The following ZNF521 variants were observed in gnomAD, a reference collection of about 807,000 sequenced individuals.
ZNF521 encodes the protein LYST-interacting protein 3.
ZNF521 carries 14 observed loss-of-function variants against 105.5 expected under a neutral mutation model. The ratio of observed to expected loss-of-function variants is 0.13; its 90% CI spans 0.09 to 0.21. The LOEUF (loss-of-function observed/expected upper bound fraction) is 0.21, where lower values mean the gene tolerates loss of function less well. Among genes scored for constraint, ZNF521 ranks in the 10% least tolerant of loss-of-function variants. The probability of loss-of-function intolerance (pLI) is 1.00; values close to 1 mark genes in which losing one functional copy is unlikely to be tolerated. For synonymous variants in ZNF521, 635 were observed against 606.0 expected (o/e 1.05, Z -0.70); for missense variants, 1,233 against 1,629.7 (o/e 0.76, Z 4.19).
chr18:25,086,616 A>ATTATCAC (rs2033628867), intron 7 of ZNF521, among the ~76,000 whole-genome samples: 1 of 152,178 alleles, frequency 6.6e-6, no homozygotes, highest in African/African-American at 2.4e-5. Flanking sequence ...ATTCATAATA[A>ATTATCAC]TTATCACATA....
At chr18:25,153,633 C>T (rs1389400351) in intron 5 of ZNF521, among the ~76,000 whole-genome samples, 3 of 152,162 alleles carry the variant, frequency 2.0e-5, no homozygotes, top group Non-Finnish European at 4.4e-5. Flanking sequence ...GATGTCTCCA[C>T]AGAGAATCAC....
intron 3 of ZNF521, among the ~76,000 whole-genome samples, chr18:25,281,403 C>T (rs900854165): frequency 6.6e-6 from 1 of 152,130 alleles, no homozygotes; most frequent in African/African-American, 2.4e-5. Flanking sequence ...ACAACTTTGG[C>T]CCAAATTAAG....
chr18:25,128,170 T>C (rs1313527999), intron 5 of ZNF521, among the ~76,000 whole-genome samples: 1 of 151,838 alleles, frequency 6.6e-6, no homozygotes. Context: ...AGTTCAACAT[T>C]TGAAAATCAG....
rs775552635 is a variant in ZNF521 at position 25,062,749 on chromosome 18, T to TAAAAAAAAA, written c.3907-9_3907-8insTTTTTTTTT. 4.9e-6 allele frequency: 1 copy of TAAAAAAAAA among 204,576 alleles called. No individual in the cohort carries two copies. The allele number at this position is 204,576 out of a possible 1,614,324, so 12.7% of individuals were successfully genotyped here. ...TTGGGTCATTGTATGATTCTGTAAA[T>TAAAAAAAAA]AACAAAAAAAAAAAAAAAAAAAAAA... On this transcript the variant is annotated splice_polypyrimidine_tract_variant and intron_variant, in intron 7 of 7. Coordinates refer to ENST00000361524, the MANE Select transcript of ZNF521 (RefSeq NM_015461.3).
intron 3 of ZNF521, among the ~76,000 whole-genome samples, chr18:25,276,775 T>C (rs1004826433): frequency 6.6e-6 from 1 of 152,254 alleles, no homozygotes; most frequent in Non-Finnish European, 1.5e-5. Context: ...TGAAGTCTTA[T>C]TAACACAGAT....
chr18:25,294,123 T>C (rs978654853), intron 3 of ZNF521, among the ~76,000 whole-genome samples: 5 of 152,234 alleles, frequency 3.3e-5, no homozygotes, highest in African/African-American at 1.2e-4. Context: ...TGGATAATAC[T>C]CTGCAGTGCT....
chr18:25,190,638 A>C (rs1264325528), intron 5 of ZNF521, among the ~76,000 whole-genome samples: 1 of 152,212 alleles, frequency 6.6e-6, no homozygotes, highest in African/African-American at 2.4e-5. Flanking sequence ...AAGATTAGTC[A>C]CATAGTACAC....
intron 5 of ZNF521, among the ~76,000 whole-genome samples, chr18:25,126,441 TG>T (rs2034540673): frequency 6.6e-6 from 1 of 152,156 alleles, no homozygotes; most frequent in South Asian, 2.1e-4. Context: ...AACAACATTC[TG>T]TTTTTCTATT....
At chr18:25,312,411 G>A (rs1202626116) in intron 3 of ZNF521, among the ~76,000 whole-genome samples, 1 of 152,102 alleles carries the variant, frequency 6.6e-6, no homozygotes, top group Non-Finnish European at 1.5e-5. Context: ...AAAAACTTCT[G>A]CTGCAGCAAA....
chr18:25,257,455 C>T (rs1312389782), intron 3 of ZNF521, among the ~76,000 whole-genome samples: 2 of 152,100 alleles, frequency 1.3e-5, no homozygotes, highest in Non-Finnish European at 2.9e-5. Flanking sequence ...TCTGAACCTT[C>T]GTTTCCTTTC....
At chr18:25,198,004 CT>C (rs1374488873) in intron 4 of ZNF521, among the ~76,000 whole-genome samples, 2 of 151,866 alleles carry the variant, frequency 1.3e-5, no homozygotes, top group Non-Finnish European at 2.9e-5. Context: ...GAGATAATTT[CT>C]TTTAAAAGCA....
At chr18:25,136,195 C>G (rs916008658) in intron 5 of ZNF521, among the ~76,000 whole-genome samples, 1 of 152,136 alleles carries the variant, frequency 6.6e-6, no homozygotes, top group African/African-American at 2.4e-5. Context: ...CATTTCTATG[C>G]AATTAATGCA....
chr18:25,309,233 G>A (rs1912160313), intron 3 of ZNF521, among the ~76,000 whole-genome samples: 1 of 152,224 alleles, frequency 6.6e-6, no homozygotes, highest in Non-Finnish European at 1.5e-5. Context: ...TGACAAAATA[G>A]TATCAATAAC....
chr18:25,279,631 T>A (rs966037235), intron 3 of ZNF521, among the ~76,000 whole-genome samples: 1 of 152,194 alleles, frequency 6.6e-6, no homozygotes, highest in Non-Finnish European at 1.5e-5. Context: ...ACCAGAGCAC[T>A]TCTGATTGAC....
rs1453123355 is a variant in ZNF521, at chr18:25,246,067, GGCCT to G, written c.221-18374_221-18371del. Among the ~76,000 whole-genome samples the G allele has an allele frequency of 2.0e-5, 3 of 152,138 alleles. No individual in the cohort carries two copies. In the East Asian group the frequency reaches 5.8e-4, roughly 29 times the overall value. On this transcript the variant is annotated intron_variant, in intron 3 of 7. Coordinates refer to ENST00000361524, the MANE Select transcript of ZNF521 (RefSeq NM_015461.3). ...GCGCCACAGGAACATCACACACAAG[GGCCT>G]GTAGTGGGGTGGGAGGAGGGGGGAG... is the stretch of plus-strand genomic sequence containing the variant.
At chr18:25,100,793 A>G (rs911248561) in intron 5 of ZNF521, among the ~76,000 whole-genome samples, 3 of 152,212 alleles carry the variant, frequency 2.0e-5, no homozygotes, top group Non-Finnish European at 4.4e-5. Context: ...CACCCCTTAG[A>G]GAAATTTGCC....
At chr18:25,218,005 C>T (rs929697498) in intron 4 of ZNF521, among the ~76,000 whole-genome samples, 10 of 152,094 alleles carry the variant, frequency 6.6e-5, no homozygotes, top group African/African-American at 2.4e-4. Flanking sequence ...CTCAGTAAGA[C>T]ACAGAGACAA....
intron 2 of ZNF521, among the ~76,000 whole-genome samples, chr18:25,329,304 T>C (rs561491777): frequency 2.0e-5 from 3 of 152,234 alleles, no homozygotes; most frequent in East Asian, 1.9e-4. Flanking sequence ...ATTTGAAACT[T>C]ATCACTTTTC....
chr18:25,130,235 C>T (rs2034615305), intron 5 of ZNF521, among the ~76,000 whole-genome samples: 1 of 152,152 alleles, frequency 6.6e-6, no homozygotes, highest in Non-Finnish European at 1.5e-5. Context: ...AGAAGCCAGT[C>T]TGAAAAGCTA....
Sources: gnomAD v4.1 joint callset for allele counts (sites outside exome capture counted in the v4.1 genomes callset) on GRCh38, gnomAD v4.1.1 for gene constraint, MANE v1.5 for transcripts, NCBI Gene and HGNC (gene_info 2026-07-23, HGNC 2026-07-21) for gene names.